UGGT1: variants seen among roughly 807,000 people sequenced by gnomAD.
UGGT1 encodes UDP-glucose glycoprotein glucosyltransferase 1, also known as UDP-glucose:glycoprotein glucosyltransferase 1.
Under a neutral mutation model 203.9 loss-of-function variants are expected in UGGT1, and 107 were observed. That is an observed-to-expected ratio of 0.52 (90% CI 0.45 to 0.62). The LOEUF (loss-of-function observed/expected upper bound fraction) is 0.62, where lower values mean the gene tolerates loss of function less well. UGGT1 is among the 20% of genes least tolerant of loss of function. The pLI is 0.00. For missense variants in UGGT1, 1,673 were observed against 1,867.2 expected, an observed-to-expected ratio of 0.90 and a Z score of 1.92; for synonymous variants, 628 against 653.5, an observed-to-expected ratio of 0.96 and a Z score of 0.59.
At chr2:128,182,003 A>G in intron 36 of UGGT1, 127 bp from the exon 37 acceptor site, 2 of 814,816 alleles carry the variant, frequency 2.5e-6, no homozygotes, top group Non-Finnish European at 3.9e-6. Context: ...ATCTGCCCCT[A>G]GTGCCTGTGC....
chr2:128,187,742 C>G (rs1022495494), intron 40 of UGGT1, 128 bp downstream of exon 40: 4 of 1,033,818 alleles, frequency 3.9e-6, no homozygotes, highest in Non-Finnish European at 5.3e-6. Context: ...ATTCTAACAT[C>G]AACCAGTATA....
At position 128,180,978 on chromosome 2, in the gene UGGT1, A is replaced by C; in HGVS notation, c.3989A>C (p.Glu1330Ala). 6.2e-7 allele frequency: 1 copy of C among 1,614,206 alleles called. No individual in the cohort carries two copies. The highest frequency in any genetic ancestry group is 2.2e-5 in the East Asian group (1 of 44,874). The change falls in exon 36 of 41, where the codon GAA (glutamate) becomes GCA (alanine). Residue 1330 changes from glutamate (E) to alanine (A), a missense_variant. Glu to Ala is a moderately radical substitution (Grantham distance 107, BLOSUM62 -1). Coordinates refer to ENST00000259253, the MANE Select transcript of UGGT1 (RefSeq NM_020120.4). ...CCCCGGTGGCTTCATCAACAAACTG[A>C]AAAACAGCGTATCATCTGGGGTTAC... ...KWPRWLHQQT[E>A]KQRIIWGYKI...
Position 128,133,201 on chromosome 2 carries a change from T to C in UGGT1, c.1438T>C (p.Leu480=). The change falls in exon 14 of 41, where the codon TTG becomes CTG. Residue 480 remains leucine (L), a synonymous_variant. Coordinates refer to ENST00000259253, the MANE Select transcript of UGGT1 (RefSeq NM_020120.4). ...TTCGTGGCCTTCTAGTTTACAAGAGTTGCTTCGACCCACCTTTCCTGGTGT... is the reference window on the plus strand; with the variant it reads ...TTCGTGGCCTTCTAGTTTACAAGAGCTGCTTCGACCCACCTTTCCTGGTGT... ...YNSWPSSLQE[L]LRPTFPGVIR... The C allele has an allele frequency of 5.0e-6, 8 of 1,614,044 alleles. No individual in the cohort carries two copies. The highest frequency in any genetic ancestry group is 5.9e-6 in the Non-Finnish European group (7 of 1,179,962).
chr2:128,164,676 T>C (rs1690695618), intron 25 of UGGT1, 54 bp from the exon 26 acceptor site: 3 of 1,475,622 alleles, frequency 2.0e-6, no homozygotes, highest in Non-Finnish European at 2.8e-6. Context: ...TTGGCAATAA[T>C]TGGAAAACTT....
At chr2:128,138,618 T>C in intron 15 of UGGT1, 99 bp from the exon 16 acceptor site, 1 of 1,391,658 alleles carries the variant, frequency 7.2e-7, no homozygotes, top group Non-Finnish European at 9.7e-7. Context: ...AGTTTTCCTC[T>C]GTTAGCTATA....
chr2:128,128,898 A>G, intron 12 of UGGT1, 131 bp from the exon 13 acceptor site: 1 of 876,500 alleles, frequency 1.1e-6, no homozygotes, highest in South Asian at 2.1e-5. Context: ...TTGTGTGTTT[A>G]TTGCTTTTTT....
At chr2:128,158,896 C>T (rs1690378540) in intron 22 of UGGT1, among the ~76,000 whole-genome samples, 1 of 152,022 alleles carries the variant, frequency 6.6e-6, no homozygotes, top group African/African-American at 2.4e-5. Flanking sequence ...TAGAAGAATA[C>T]AAAATGTGTG....
Position 128,176,861 on chromosome 2 carries a change from T to C in UGGT1, c.3587T>C (p.Val1196Ala), listed in dbSNP as rs562996363. ...SPPDADEVVI[V>A]LNNFKSKIIK... ...CCTGATGCTGATGAGGTGGTTATCG[T>C]CCTCAACAACTTCAAAAGCAAAATT... The change falls in exon 32 of 41, where the codon GTC becomes GCC. Residue 1196 changes from valine (V) to alanine (A), a missense_variant. Coordinates refer to ENST00000259253, the MANE Select transcript of UGGT1 (RefSeq NM_020120.4). 3.1e-6 allele frequency: 5 copies of C among 1,614,140 alleles called. No homozygotes were observed. The highest frequency in any genetic ancestry group is 1.3e-5 in the African/African-American group (1 of 75,032).
At position 128,115,176 on chromosome 2, in the gene UGGT1, T is replaced by C. The variant is rs1688041729; in HGVS notation, c.749T>C (p.Ile250Thr). The C allele has an allele frequency of 6.2e-7, 1 of 1,613,968 alleles. No homozygotes were observed. Among genetic ancestry groups the C allele is most frequent in the Non-Finnish European group, 8.5e-7 (1 of 1,179,946 alleles). Residue 250 changes from isoleucine (I) to threonine (T), a missense_variant, in exon 7 of 41, where the codon ATT (isoleucine) becomes ACT (threonine). Coordinates refer to ENST00000259253, the MANE Select transcript of UGGT1 (RefSeq NM_020120.4). ...TCTGGCTATGGCGTGGAATTGGCCA[T>C]TAAGAGCACTGAGTACAAGGCCAAG... is the stretch of plus-strand genomic sequence containing the variant. ...YLSGYGVELA[I>T]KSTEYKAKDD...
intron 25 of UGGT1, 150 bp downstream of exon 25, chr2:128,161,418 TA>T (rs1690524472): frequency 1.1e-6 from 1 of 902,210 alleles, no homozygotes; most frequent in African/African-American, 1.7e-5. Flanking sequence ...ATTCCAGTTT[TA>T]ATGTATGCTT....
chr2:128,109,464 C>G (rs1413973537), intron 4 of UGGT1, among the ~76,000 whole-genome samples, 170 bp from the exon 5 acceptor site: 1 of 152,080 alleles, frequency 6.6e-6, no homozygotes, highest in Non-Finnish European at 1.5e-5. Flanking sequence ...TTAAGTGATG[C>G]TCCCACTCTG....
Position 128,146,006 on chromosome 2 carries a change from G to T in UGGT1, c.2016+39G>T, listed in dbSNP as rs768145115. ...CAAGGCTGATTTTTTAAAGAGAACA[G>T]TTGGCTTATATTTTTTGTTGCCTCT... On this transcript the variant is annotated intron_variant, in intron 18 of 40. Coordinates refer to ENST00000259253, the MANE Select transcript of UGGT1 (RefSeq NM_020120.4). The T allele has an allele frequency of 1.4e-5, 23 of 1,611,286 alleles. No homozygotes were observed. In the East Asian group the frequency reaches 5.1e-4, roughly 36 times the overall value.
intron 25 of UGGT1, among the ~76,000 whole-genome samples, chr2:128,163,091 A>G (rs1420065038): frequency 2.6e-5 from 4 of 152,102 alleles, no homozygotes; most frequent in Admixed American, 2.6e-4. Context: ...ATTGTTCTTC[A>G]TCAGCCTTCA....
rs757374540 is a variant in UGGT1, at chr2:128,113,265, ATTGAC to A, written c.696+10_696+14del. ...ATTCAGACATTATATATTTGTAAGT[ATTGAC>A]TTATTTTACACCTGTTTTGAATGTA... On this transcript the variant is annotated splice_region_variant and intron_variant, in intron 6 of 40. Coordinates refer to ENST00000259253, the MANE Select transcript of UGGT1 (RefSeq NM_020120.4). The A allele has an allele frequency of 5.0e-5, 79 of 1,580,372 alleles. No homozygotes were observed. Among genetic ancestry groups the A allele is most frequent in the Non-Finnish European group, 6.3e-5 (73 of 1,159,400 alleles).
intron 6 of UGGT1, among the ~76,000 whole-genome samples, chr2:128,114,204 G>A (rs1335275005): frequency 6.6e-6 from 1 of 152,008 alleles, no homozygotes; most frequent in African/African-American, 2.4e-5. Flanking sequence ...TGCAACCTCC[G>A]CCTCCTGAGT....
At chr2:128,178,061 G>T in intron 33 of UGGT1, 141 bp downstream of exon 33, 1 of 695,362 alleles carries the variant, frequency 1.4e-6, no homozygotes, top group Non-Finnish European at 2.3e-6. Context: ...CTTATATTTG[G>T]CATAGATGAG....
intron 17 of UGGT1, among the ~76,000 whole-genome samples, chr2:128,145,413 T>G (rs1253706128): frequency 6.6e-6 from 1 of 152,138 alleles, no homozygotes; most frequent in African/African-American, 2.4e-5. Context: ...AGATAGAATA[T>G]TTCCATCATT....
chr2:128,100,557 C>T (rs1028274910), intron 2 of UGGT1, among the ~76,000 whole-genome samples: 3 of 151,782 alleles, frequency 2.0e-5, no homozygotes, highest in African/African-American at 4.8e-5. Context: ...CAGGCATGCA[C>T]CACCAAGTCC....
At chr2:128,092,900 A>C (rs1176008285) in intron 1 of UGGT1, among the ~76,000 whole-genome samples, 5 of 152,202 alleles carry the variant, frequency 3.3e-5, no homozygotes, top group African/African-American at 1.2e-4. Flanking sequence ...AATGCTTATC[A>C]TGCAAAGCCA....
Sources: allele counts gnomAD v4.1 joint callset (sites outside exome capture counted in the v4.1 genomes callset), GRCh38; gene constraint gnomAD v4.1.1; transcripts MANE v1.5; gene names NCBI Gene and HGNC (gene_info 2026-07-23, HGNC 2026-07-21).